Variants in SLC26A7 observed in about 807,000 individuals in gnomAD.
SLC26A7 encodes solute carrier family 26 member 7.
In SLC26A7, 59 loss-of-function variants were observed where a neutral mutation model predicts 82.5. The ratio of observed to expected loss-of-function variants is 0.72; its 90% CI spans 0.58 to 0.89. SLC26A7 has a LOEUF of 0.89. SLC26A7 is among the 40% of genes least tolerant of loss of function. The probability of loss-of-function intolerance (pLI) is 0.00; values close to 1 mark genes in which losing one functional copy is unlikely to be tolerated. For synonymous variants in SLC26A7, 271 were observed against 274.3 expected, an observed-to-expected ratio of 0.99 and a Z score of 0.12; for missense variants, 820 against 793.0, an observed-to-expected ratio of 1.03 and a Z score of -0.41.
At chr8:91,260,725 G>C (rs1341406883) in intron 2 of SLC26A7, among the ~76,000 whole-genome samples, 1 of 152,002 alleles carries the variant, frequency 6.6e-6, no homozygotes, top group Non-Finnish European at 1.5e-5. Flanking sequence ...TAGGTCTGTT[G>C]GACTTGGGGT....
chr8:91,271,091 G>A (rs894468375), intron 2 of SLC26A7, among the ~76,000 whole-genome samples: 21 of 152,096 alleles, frequency 1.4e-4, no homozygotes, highest in African/African-American at 5.1e-4. Context: ...AGCTTTACCT[G>A]TTCTTGCATG....
intron 11 of SLC26A7, chr8:91,357,211 T>G (rs1436960308): frequency 6.6e-6 from 1 of 152,228 alleles, no homozygotes; most frequent in South Asian, 2.1e-4. Context: ...GATTATTGCA[T>G]AGAATTTTCA....
At chr8:91,224,596 C>G (rs953280745) in intron 2 of SLC26A7, among the ~76,000 whole-genome samples, 1 of 152,184 alleles carries the variant, frequency 6.6e-6, no homozygotes, top group Admixed American at 6.5e-5. Flanking sequence ...GAGGCCCCAA[C>G]CCCTGATGCC....
At chr8:91,308,898 C>T (rs1812399381) in intron 4 of SLC26A7, among the ~76,000 whole-genome samples, 4 of 151,998 alleles carry the variant, frequency 2.6e-5, no homozygotes, top group Admixed American at 2.6e-4. Context: ...CACTTCCTTC[C>T]TTTCTGGCAC....
intron 4 of SLC26A7, among the ~76,000 whole-genome samples, chr8:91,305,142 C>T (rs184636348): frequency 1.3e-5 from 2 of 152,128 alleles, no homozygotes; most frequent in East Asian, 3.9e-4. Flanking sequence ...ACAGCTGGTA[C>T]TTAATAAATG....
chr8:91,279,125 G>GTGTGTGTA (rs1382744780), intron 2 of SLC26A7, among the ~76,000 whole-genome samples: 157 of 111,226 alleles, frequency 1.4e-3, no homozygotes, highest in African/African-American at 4.8e-3. Flanking sequence ...GTGTGTGTGT[G>GTGTGTGTA]TATATATATA....
intron 4 of SLC26A7, among the ~76,000 whole-genome samples, chr8:91,299,887 T>C (rs1413379142): frequency 1.3e-5 from 2 of 152,138 alleles, no homozygotes; most frequent in African/African-American, 4.8e-5. Context: ...TTCTAAAAAG[T>C]GCGTAAGTTA....
chr8:91,308,696 C>T (rs1313833452), intron 4 of SLC26A7, among the ~76,000 whole-genome samples: 1 of 152,042 alleles, frequency 6.6e-6, no homozygotes, highest in Non-Finnish European at 1.5e-5. Flanking sequence ...GCCTATTCTC[C>T]CCTATTTATT....
chr8:91,378,064 G>T (rs1446543191), intron 15 of SLC26A7, among the ~76,000 whole-genome samples: 3 of 151,932 alleles, frequency 2.0e-5, no homozygotes, highest in Non-Finnish European at 4.4e-5. Context: ...TTTTCCCATT[G>T]ACTGTCTCTT....
At chr8:91,385,975 A>T (rs977475174) in intron 15 of SLC26A7, among the ~76,000 whole-genome samples, 2 of 152,092 alleles carry the variant, frequency 1.3e-5, no homozygotes, top group African/African-American at 4.8e-5. Flanking sequence ...AATTTTTTTT[A>T]AGTTCAGAAT....
chr8:91,311,025 T>G (rs1024093789), intron 4 of SLC26A7, among the ~76,000 whole-genome samples: 2 of 152,196 alleles, frequency 1.3e-5, no homozygotes, highest in African/African-American at 4.8e-5. Context: ...AATTCTTTCT[T>G]CCGAGGAGGC....
upstream of SLC26A7, among the ~76,000 whole-genome samples, chr8:91,244,371 C>G (rs566903635): frequency 6.6e-6 from 1 of 150,930 alleles, no homozygotes; most frequent in Admixed American, 6.6e-5. Flanking sequence ...TTTTCTTCTT[C>G]CTTTTTCTCC....
chr8:91,367,304 A>T (rs1814224559), intron 14 of SLC26A7, among the ~76,000 whole-genome samples: 2 of 152,182 alleles, frequency 1.3e-5, no homozygotes, highest in Non-Finnish European at 2.9e-5. Context: ...CACTGCGCCC[A>T]GTCGAAAGGA....
intron 4 of SLC26A7, among the ~76,000 whole-genome samples, chr8:91,310,707 A>G (rs1812457105): frequency 6.6e-6 from 1 of 152,154 alleles, no homozygotes; most frequent in South Asian, 2.1e-4. Flanking sequence ...GTGAGCATGC[A>G]TATGACTCCA....
At chr8:91,349,923 C>T (rs969813077) in intron 9 of SLC26A7, among the ~76,000 whole-genome samples, 12 of 152,080 alleles carry the variant, frequency 7.9e-5, no homozygotes, top group African/African-American at 2.2e-4. Context: ...ACACCTACCT[C>T]GTTGCAGTAT....
At chr8:91,328,730 A>G (rs1322642104) in intron 5 of SLC26A7, among the ~76,000 whole-genome samples, 1 of 152,050 alleles carries the variant, frequency 6.6e-6, no homozygotes, top group Non-Finnish European at 1.5e-5. Context: ...TTAGACAAAA[A>G]CACATTATAT....
At chr8:91,356,904 C>G (rs529684183) in intron 11 of SLC26A7, among the ~76,000 whole-genome samples, 1 of 152,066 alleles carries the variant, frequency 6.6e-6, no homozygotes, top group Non-Finnish European at 1.5e-5. Flanking sequence ...CATAGGAGAG[C>G]AGGAGGTCGT....
In SLC26A7 at chr8:91,354,884, T is replaced by A. The variant is rs76681194; in HGVS notation, c.1314+1888T>A. Among the ~76,000 whole-genome samples, 609 of 152,264 alleles carry A rather than the reference T, an allele frequency of 4.0e-3. 5 individuals are homozygous for A. The highest frequency in any genetic ancestry group is 0.013 in the African/African-American group (553 of 41,554). On this transcript the variant is annotated intron_variant, in intron 11 of 18. Transcript: ENST00000276609. ...TAGAAAATTCTATTATTTAGATGCA[T>A]TTAGTGGTTACCTTTAATCTTTTTT... is the stretch of plus-strand genomic sequence containing the variant.
At chr8:91,386,369 A>C (rs184770562) in intron 15 of SLC26A7, among the ~76,000 whole-genome samples, 5 of 152,192 alleles carry the variant, frequency 3.3e-5, no homozygotes, top group Admixed American at 3.3e-4. Context: ...ATGAATGCTA[A>C]TTTTTTCTAC....
Sources: gnomAD v4.1 joint callset for allele counts (sites outside exome capture counted in the v4.1 genomes callset) on GRCh38, gnomAD v4.1.1 for gene constraint, MANE v1.5 for transcripts, NCBI Gene and HGNC (gene_info 2026-07-23, HGNC 2026-07-21) for gene names.